MELK: variants seen among roughly 807,000 people sequenced by gnomAD.
MELK encodes maternal embryonic leucine zipper kinase.
A neutral mutation model predicts 85.0 loss-of-function variants in MELK; 81 were observed. That is an observed-to-expected ratio of 0.95 (90% CI 0.80 to 1.15). MELK has a LOEUF of 1.15. MELK is among the 50% of genes most tolerant of loss of function. The probability of loss-of-function intolerance (pLI) is 0.00; values close to 1 mark genes in which losing one functional copy is unlikely to be tolerated. For missense variants in MELK, 754 were observed against 777.5 expected, an observed-to-expected ratio of 0.97 and a Z score of 0.36; for synonymous variants, 252 against 265.0, an observed-to-expected ratio of 0.95 and a Z score of 0.48.
intron 14 of MELK, 35 bp from the exon 15 acceptor site, chr9:36,669,275 C>A: frequency 7.3e-7 from 1 of 1,378,408 alleles, no homozygotes; most frequent in Non-Finnish European, 1.0e-6. Flanking sequence ...ATAGTATGTG[C>A]TGCATATGGA....
chr9:36,610,733 G>A (rs997724727), intron 8 of MELK, among the ~76,000 whole-genome samples: 1 of 152,230 alleles, frequency 6.6e-6, no homozygotes, highest in Non-Finnish European at 1.5e-5. Flanking sequence ...ATACAGGGGA[G>A]AGTAGGGTTA....
chr9:36,627,053 A>AACACACACACACAC (rs10608377), intron 8 of MELK, among the ~76,000 whole-genome samples: 2,785 of 140,900 alleles, frequency 0.02, 49 homozygotes, highest in African/African-American at 0.04. Flanking sequence ...CACAAGCGCA[A>AACACACACACACAC]ACACACACAC....
chr9:36,598,224 A>G (rs1031700896), intron 6 of MELK, among the ~76,000 whole-genome samples: 3 of 152,008 alleles, frequency 2.0e-5, no homozygotes, highest in Middle Eastern at 3.2e-3. Context: ...CATATAAAGA[A>G]AAAACATACT....
At chr9:36,635,294 G>A (rs1829022945) in intron 10 of MELK, among the ~76,000 whole-genome samples, 1 of 150,662 alleles carries the variant, frequency 6.6e-6, no homozygotes, top group Admixed American at 6.6e-5. Flanking sequence ...TGGGAATCTC[G>A]CTATTATCGC....
chr9:36,630,160 T>G, intron 8 of MELK, 139 bp from the exon 9 acceptor site: 1 of 701,768 alleles, frequency 1.4e-6, no homozygotes, highest in Non-Finnish European at 2.4e-6. Context: ...ATTGATTTTT[T>G]TTAGTTAATA....
In MELK at chr9:36,657,306, C is replaced by T. The variant is rs148610937; in HGVS notation, c.1119C>T (p.Asp373=). 1.2e-3 allele frequency: 1,959 copies of T among 1,613,554 alleles called. 1 individual carries two copies. Among genetic ancestry groups the T allele is most frequent in the Non-Finnish European group, 1.6e-3 (1,841 of 1,179,886 alleles). Residue 373 remains aspartate (D), a synonymous_variant, in exon 13 of 18, where the codon GAC becomes GAT. Coordinates refer to ENST00000298048, the MANE Select transcript of MELK (RefSeq NM_014791.4). ...SDKNYVAGLI[D]YDWCEDDLST... is the part of the protein sequence containing the mutation. ...AAAATTATGTGGCGGGATTAATAGA[C>T]TATGATTGGTGTGAAGATGATTTAT...
intron 8 of MELK, among the ~76,000 whole-genome samples, chr9:36,616,203 T>C (rs1207468101): frequency 6.6e-6 from 1 of 152,188 alleles, no homozygotes; most frequent in African/African-American, 2.4e-5. Flanking sequence ...CCTTTGTATA[T>C]ACAGGTCTAT....
chr9:36,608,227 G>A (rs1483238266), intron 8 of MELK, among the ~76,000 whole-genome samples: 5 of 130,366 alleles, frequency 3.8e-5, no homozygotes, highest in Non-Finnish European at 4.6e-5. Context: ...TTGCAGAGCC[G>A]AGATTACGCC....
chr9:36,651,600 G>C, intron 11 of MELK, 146 bp from the exon 12 acceptor site: 1 of 822,636 alleles, frequency 1.2e-6, no homozygotes. Context: ...GTGGTGCACT[G>C]GTTGCTGTTT....
chr9:36,674,468 G>A (rs73645818), intron 16 of MELK, among the ~76,000 whole-genome samples: 3 of 152,102 alleles, frequency 2.0e-5, no homozygotes, highest in Non-Finnish European at 4.4e-5. Context: ...TTATCTTTCC[G>A]TGGTATACAT....
chr9:36,674,093 T>C (rs2138223092), intron 16 of MELK, among the ~76,000 whole-genome samples: 1 of 152,288 alleles, frequency 6.6e-6, no homozygotes, highest in African/African-American at 2.4e-5. Flanking sequence ...AACTCAAACC[T>C]GAAAGATATA....
intron 8 of MELK, among the ~76,000 whole-genome samples, chr9:36,618,528 A>G (rs1279442795): frequency 6.6e-6 from 1 of 152,198 alleles, no homozygotes; most frequent in Admixed American, 6.5e-5. Flanking sequence ...TAGTCTTGCT[A>G]ATTTCAAGTT....
intron 3 of MELK, among the ~76,000 whole-genome samples, chr9:36,586,186 CA>C (rs1488434998): frequency 6.6e-6 from 1 of 151,522 alleles, no homozygotes; most frequent in Non-Finnish European, 1.5e-5. Flanking sequence ...ACGAAAAATA[CA>C]AAAAATTTCG....
chr9:36,651,650 C>G (rs1317242418), intron 11 of MELK, 96 bp from the exon 12 acceptor site: 1 of 1,433,290 alleles, frequency 7.0e-7, no homozygotes, highest in East Asian at 2.3e-5. Flanking sequence ...TTTTAAAGTT[C>G]TGAATGTTAC....
At chr9:36,597,134 G>T in intron 5 of MELK, 88 bp from the exon 6 acceptor site, 1 of 1,081,542 alleles carries the variant, frequency 9.2e-7, no homozygotes, top group Non-Finnish European at 1.4e-6. Flanking sequence ...GCCACACCTG[G>T]CCTTAAGTCA....
At chr9:36,651,294 T>C (rs888091519) in intron 11 of MELK, among the ~76,000 whole-genome samples, 4 of 152,210 alleles carry the variant, frequency 2.6e-5, no homozygotes, top group Admixed American at 6.5e-5. Flanking sequence ...CCCTACTTAG[T>C]TGTGAATGCT....
chr9:36,665,550 T>A lies in MELK; in HGVS notation c.1377T>A (p.Thr459=). The A allele has an allele frequency of 6.2e-7, 1 of 1,613,654 alleles. No individual in the cohort carries two copies. The highest frequency in any genetic ancestry group is 2.2e-5 in the East Asian group (1 of 44,804). ...ACCAGCATAAGAGAGAAATACTCAC[T>A]ACGCCAAATCGTTACACTACACCCT... ...NKNQHKREIL[T]TPNRYTTPSK... is the part of the protein sequence containing the mutation. The change falls in exon 14 of 18, where the codon ACT becomes ACA. Residue 459 remains threonine (T), a synonymous_variant. Transcript: ENST00000298048.
At chr9:36,588,362 GCCTGGC>G (rs1823167366) in intron 3 of MELK, among the ~76,000 whole-genome samples, 1 of 147,480 alleles carries the variant, frequency 6.8e-6, no homozygotes, top group South Asian at 2.1e-4. Context: ...GAGCCACCGC[GCCTGGC>G]CCAGAGTCCC....
chr9:36,653,673 T>C (rs533340577), intron 12 of MELK, among the ~76,000 whole-genome samples: 15 of 152,292 alleles, frequency 9.8e-5, no homozygotes, highest in Admixed American at 2.0e-4. Context: ...AAATTGTACC[T>C]CATCCTCAGA....
Sources: gnomAD v4.1 joint callset for allele counts (sites outside exome capture counted in the v4.1 genomes callset) on GRCh38, gnomAD v4.1.1 for gene constraint, MANE v1.5 for transcripts, NCBI Gene and HGNC (gene_info 2026-07-23, HGNC 2026-07-21) for gene names.